The following RBM19 variants were observed in gnomAD, a reference collection of about 807,000 sequenced individuals.
RBM19 encodes the protein probable RNA-binding protein 19.
In RBM19, 94 loss-of-function variants were observed where a neutral mutation model predicts 116.8. The ratio of observed to expected loss-of-function variants is 0.80; its 90% confidence interval spans 0.68 to 0.95. The LOEUF is 0.95. Ranked by LOEUF, RBM19 falls within the 40% of genes least tolerant of loss-of-function variation. The pLI, the probability that RBM19 is intolerant of heterozygous loss-of-function variation, is 0.00. For missense variants in RBM19, 1,161 were observed against 1,220.7 expected, an observed-to-expected ratio of 0.95 and a Z score of 0.73; for synonymous variants, 475 against 494.1, an observed-to-expected ratio of 0.96 and a Z score of 0.51.
intron 19 of RBM19, among the ~76,000 whole-genome samples, chr12:113,918,776 CAG>C (rs1475971303): frequency 6.6e-6 from 1 of 152,220 alleles, no homozygotes; most frequent in Non-Finnish European, 1.5e-5. Context: ...GTCTGGCTTG[CAG>C]AGAGAGTTGG....
chr12:113,894,875 C>T (rs1881213973), intron 21 of RBM19, among the ~76,000 whole-genome samples: 2 of 152,228 alleles, frequency 1.3e-5, no homozygotes, highest in South Asian at 4.1e-4. Flanking sequence ...ACGACTGGGA[C>T]AGCCACATGC....
At chr12:113,879,875 G>A (rs116006634) in intron 21 of RBM19, among the ~76,000 whole-genome samples, 2,167 of 152,086 alleles carry the variant, frequency 0.014, 57 homozygotes, top group African/African-American at 0.051. Flanking sequence ...GCAGTACTGT[G>A]ACTCCTGGTG....
chr12:113,914,623 T>C (rs1381662865), intron 21 of RBM19, among the ~76,000 whole-genome samples: 4 of 152,128 alleles, frequency 2.6e-5, no homozygotes, highest in Non-Finnish European at 5.9e-5. Flanking sequence ...GTAGCCTGGA[T>C]GGAGGAAATT....
At chr12:113,944,476 T>G (rs1340300947) in intron 13 of RBM19, among the ~76,000 whole-genome samples, 2 of 152,012 alleles carry the variant, frequency 1.3e-5, no homozygotes, top group African/African-American at 4.8e-5. Flanking sequence ...TTCTGCAAAG[T>G]ACCTTAGACA....
chr12:113,820,744 A>T (rs1200377959), downstream of RBM19, among the ~76,000 whole-genome samples: 1 of 152,108 alleles, frequency 6.6e-6, no homozygotes, highest in East Asian at 1.9e-4. Context: ...CCTTCCAAAC[A>T]GTGCGTGCCT....
chr12:113,910,425 C>G (rs1036473074), intron 21 of RBM19, among the ~76,000 whole-genome samples: 1 of 152,186 alleles, frequency 6.6e-6, no homozygotes, highest in African/African-American at 2.4e-5. Flanking sequence ...ATCCAGGACC[C>G]CTTGTTCACA....
At chr12:113,946,045 C>G in intron 12 of RBM19, 121 bp from the exon 13 acceptor site, 1 of 939,270 alleles carries the variant, frequency 1.1e-6, no homozygotes, top group South Asian at 1.6e-5. Context: ...CCCCCAATTT[C>G]CCTATCATGG....
At chr12:113,941,869 A>G (rs550298685) in intron 14 of RBM19, among the ~76,000 whole-genome samples, 12 of 152,296 alleles carry the variant, frequency 7.9e-5, no homozygotes, top group African/African-American at 2.9e-4. Flanking sequence ...GGTATCCCAG[A>G]TTGTAAAATG....
chr12:113,874,551 A>C lies in RBM19; in HGVS notation c.2559-15655T>G, dbSNP rs150478070. On this transcript the variant is annotated intron_variant, in intron 21 of 23. Coordinates refer to ENST00000261741, the MANE Select transcript of RBM19 (RefSeq NM_016196.4). ...CAGGACTTGCGTGTGGGTCTGTCTG[A>C]CTGTGGATTTTGCTTTGGCACACTG... is the stretch of plus-strand genomic sequence containing the variant. Among the ~76,000 whole-genome samples, 258 of 152,308 alleles carry C rather than the reference A, an allele frequency of 1.7e-3. 1 individual carries two copies. Among genetic ancestry groups the C allele is most frequent in the African/African-American group, 5.8e-3 (242 of 41,562 alleles).
chr12:113,821,267 C>G (rs1230530662), downstream of RBM19, among the ~76,000 whole-genome samples: 1 of 152,130 alleles, frequency 6.6e-6, no homozygotes, highest in East Asian at 1.9e-4. Context: ...TAAGTCAGTG[C>G]CAAAAGATGC....
intron 21 of RBM19, among the ~76,000 whole-genome samples, chr12:113,894,239 C>A (rs1881162942): frequency 6.6e-6 from 1 of 152,206 alleles, no homozygotes; most frequent in African/African-American, 2.4e-5. Context: ...TGCATGCCAA[C>A]TTTGCATCCT....
At chr12:113,821,904 G>A (rs1351815952), downstream of RBM19, 2 of 152,210 alleles carry the variant, frequency 1.3e-5, no homozygotes, top group Admixed American at 6.5e-5. Context: ...TGCCTTGCCT[G>A]GGCTCTGGGC....
At chr12:113,914,183 C>T (rs1317220075) in intron 21 of RBM19, among the ~76,000 whole-genome samples, 1 of 152,232 alleles carries the variant, frequency 6.6e-6, no homozygotes, top group Non-Finnish European at 1.5e-5. Flanking sequence ...ATCCACATGG[C>T]TGGTTTCTCT....
intron 21 of RBM19, among the ~76,000 whole-genome samples, chr12:113,902,186 T>C (rs962731358): frequency 2.6e-5 from 4 of 152,230 alleles, no homozygotes; most frequent in Non-Finnish European, 5.9e-5. Flanking sequence ...TGAGTAGTTA[T>C]GAGTGTCCAC....
chr12:113,919,577 AAAG>A (rs969482127), intron 19 of RBM19, among the ~76,000 whole-genome samples: 31 of 152,168 alleles, frequency 2.0e-4, no homozygotes, highest in Non-Finnish European at 2.5e-4. Context: ...TCTCAAGAAA[AAAG>A]AAGAACTTAT....
intron 22 of RBM19, among the ~76,000 whole-genome samples, chr12:113,851,885 T>C (rs1877479755): frequency 6.6e-6 from 1 of 152,002 alleles, no homozygotes; most frequent in Non-Finnish European, 1.5e-5. Context: ...ACCCCGTCTC[T>C]ACTAAAAATA....
At chr12:113,841,397 C>A (rs553791187) in intron 23 of RBM19, among the ~76,000 whole-genome samples, 6 of 151,484 alleles carry the variant, frequency 4.0e-5, no homozygotes, top group Non-Finnish European at 8.8e-5. Context: ...GGTTTAGTGA[C>A]GGCCTGGGAC....
chr12:113,913,032 C>T (rs1272726517), intron 21 of RBM19, among the ~76,000 whole-genome samples: 2 of 152,234 alleles, frequency 1.3e-5, no homozygotes, highest in Non-Finnish European at 2.9e-5. Context: ...AGAGTCACCA[C>T]ATGTAATTAT....
intron 18 of RBM19, among the ~76,000 whole-genome samples, 200 bp downstream of exon 18, chr12:113,924,497 C>T (rs542535469): frequency 1.2e-3 from 188 of 152,168 alleles, no homozygotes; most frequent in Non-Finnish European, 1.5e-3. Flanking sequence ...GAGGCTGCTT[C>T]GACTGGAAAG....
Sources: allele counts gnomAD v4.1 joint callset (sites outside exome capture counted in the v4.1 genomes callset), GRCh38; gene constraint gnomAD v4.1.1; transcripts MANE v1.5; gene names NCBI Gene and HGNC (gene_info 2026-07-23, HGNC 2026-07-21).